LRRC4C: variants seen among roughly 807,000 people sequenced by gnomAD.
LRRC4C encodes the protein leucine rich repeat containing 4C.
A neutral mutation model predicts 33.6 loss-of-function variants in LRRC4C; 5 were observed. That is an observed-to-expected ratio of 0.15 (90% CI 0.08 to 0.31). The LOEUF (loss-of-function observed/expected upper bound fraction) is 0.31. LRRC4C is among the 10% of genes least tolerant of loss of function. LRRC4C has a pLI of 1.00. For missense variants in LRRC4C, 560 were observed against 796.7 expected, an observed-to-expected ratio of 0.70 and a Z score of 3.58; for synonymous variants, 329 against 302.0, an observed-to-expected ratio of 1.09 and a Z score of -0.93.
At position 40,200,784 on chromosome 11, in the gene LRRC4C, A is replaced by AAAAAAAAAAAAAAG. The variant is rs71060946; in HGVS notation, c.-96+40734_-96+40735insCTTTTTTTTTTTTT. Among the ~76,000 whole-genome samples the AAAAAAAAAAAAAAG allele has an allele frequency of 1.8e-4, 14 of 78,436 alleles. 1 individual carries two copies. Among genetic ancestry groups the AAAAAAAAAAAAAAG allele is most frequent in the East Asian group, 4.2e-4 (1 of 2,368 alleles). 51.5% of individuals were successfully genotyped at this position (78,436 alleles called of 152,430 possible). ...CCATCTCAAAAAAAAAAAAAAAAAA[A>AAAAAAAAAAAAAAG]AAAAGAAAAGAAAAGAAAAAAAATT... is the stretch of plus-strand genomic sequence containing the variant. On this transcript the variant is annotated intron_variant, in intron 5 of 6. Transcript: ENST00000528697.
rs571805000 is a variant in LRRC4C, at chr11:40,190,477, T to A, written c.-95-49624A>T. On this transcript the variant is annotated intron_variant, in intron 5 of 6. Coordinates refer to ENST00000528697, the MANE Select transcript of LRRC4C (RefSeq NM_001258419.2). The stretch of plus-strand genomic sequence containing the variant: ...TGTCCTCATGCCATCACCAATCAAA[T>A]CTACCATGCGGTTCCTCTGGCACAC... 6.0e-4 allele frequency among the ~76,000 whole-genome samples: 91 copies of A among 152,324 alleles called. 2 individuals are homozygous for A. Among genetic ancestry groups the A allele is most frequent in the Admixed American group, 5.7e-3 (88 of 15,306 alleles).
At chr11:40,625,823 A>G (rs1291041386) in intron 3 of LRRC4C, among the ~76,000 whole-genome samples, 1 of 152,096 alleles carries the variant, frequency 6.6e-6, no homozygotes, top group Admixed American at 6.5e-5. Flanking sequence ...CTTCCACTAT[A>G]ACAAACCTTT....
At chr11:40,919,842 AG>A (rs1243138876) in intron 2 of LRRC4C, among the ~76,000 whole-genome samples, 2 of 152,194 alleles carry the variant, frequency 1.3e-5, no homozygotes, top group Non-Finnish European at 2.9e-5. Flanking sequence ...CAAACAACTT[AG>A]GAATTAATTT....
chr11:40,901,593 C>T (rs1332230167), intron 2 of LRRC4C, among the ~76,000 whole-genome samples: 1 of 151,714 alleles, frequency 6.6e-6, no homozygotes, highest in East Asian at 1.9e-4. Context: ...TGGTTATTAC[C>T]CTTATTAAAT....
At chr11:40,589,093 T>G (rs1591198035) in intron 3 of LRRC4C, among the ~76,000 whole-genome samples, 1 of 152,274 alleles carries the variant, frequency 6.6e-6, no homozygotes, top group African/African-American at 2.4e-5. Flanking sequence ...AGTCTCCCAT[T>G]ATTAATGTGC....
intron 5 of LRRC4C, among the ~76,000 whole-genome samples, chr11:40,147,705 CAG>C (rs1857858261): frequency 6.6e-6 from 1 of 151,852 alleles, no homozygotes; most frequent in South Asian, 2.1e-4. Flanking sequence ...AATTAAAAAA[CAG>C]AATAATTGAG....
At chr11:40,226,262 A>T (rs1256004288) in intron 5 of LRRC4C, among the ~76,000 whole-genome samples, 1 of 152,184 alleles carries the variant, frequency 6.6e-6, no homozygotes, top group Non-Finnish European at 1.5e-5. Context: ...AACAATGATA[A>T]GCTAGATCAG....
chr11:40,796,623 C>T (rs1166266239), intron 2 of LRRC4C, among the ~76,000 whole-genome samples: 1 of 144,370 alleles, frequency 6.9e-6, no homozygotes, highest in Non-Finnish European at 1.5e-5. Context: ...CAAAAGAGGG[C>T]TAAGCAGAAC....
At chr11:40,901,539 G>A (rs970406138) in intron 2 of LRRC4C, among the ~76,000 whole-genome samples, 1 of 152,076 alleles carries the variant, frequency 6.6e-6, no homozygotes, top group Non-Finnish European at 1.5e-5. Context: ...GTTTAGAGTT[G>A]CAGTGTACCT....
In LRRC4C at chr11:40,448,885, T is replaced by C. The variant is rs1475950033; in HGVS notation, c.-269-129164A>G. The stretch of plus-strand genomic sequence containing the variant: ...CATCAGCAGTGTAAAAGCATTCCTA[T>C]TTCTCTACATCCCCTTTAGCATCTG... On this transcript the variant is annotated intron_variant, in intron 3 of 6. Coordinates refer to ENST00000528697, the MANE Select transcript of LRRC4C (RefSeq NM_001258419.2). 3.3e-5 allele frequency among the ~76,000 whole-genome samples: 5 copies of C among 152,354 alleles called. No homozygotes were observed. The East Asian group carries it at 9.6e-4, about 29-fold the overall frequency.
intron 2 of LRRC4C, among the ~76,000 whole-genome samples, chr11:40,827,112 T>G (rs1952199092): frequency 6.6e-6 from 1 of 151,884 alleles, no homozygotes; most frequent in Non-Finnish European, 1.5e-5. Flanking sequence ...ATAAACTTAC[T>G]CAAGAACCAC....
chr11:40,274,058 A>G (rs1350555684), intron 4 of LRRC4C, among the ~76,000 whole-genome samples: 1 of 152,086 alleles, frequency 6.6e-6, no homozygotes, highest in Non-Finnish European at 1.5e-5. Context: ...AGGTGCATCA[A>G]AAGTAGAACT....
chr11:40,739,007 TTGTGTG>T (rs72411974), intron 2 of LRRC4C, among the ~76,000 whole-genome samples: 4 of 149,188 alleles, frequency 2.7e-5, no homozygotes, highest in East Asian at 2.0e-4. Context: ...ATAATTGCTA[TTGTGTG>T]TGTGTGTGTG....
At chr11:40,758,356 C>T (rs1468088275) in intron 2 of LRRC4C, among the ~76,000 whole-genome samples, 2 of 151,944 alleles carry the variant, frequency 1.3e-5, no homozygotes, top group African/African-American at 4.8e-5. Context: ...TGAGGGTCCT[C>T]TCCTCCTGCT....
chr11:41,324,566 A>G (rs1479371891), intron 1 of LRRC4C, among the ~76,000 whole-genome samples: 2 of 152,224 alleles, frequency 1.3e-5, no homozygotes, highest in Admixed American at 6.5e-5. Context: ...ATGACATCCT[A>G]TCTGTAAAGC....
chr11:40,809,573 T>C (rs1227498228), intron 2 of LRRC4C, among the ~76,000 whole-genome samples: 1 of 152,160 alleles, frequency 6.6e-6, no homozygotes, highest in Non-Finnish European at 1.5e-5. Context: ...TACTCATTCA[T>C]TTACTGTCTG....
At chr11:40,183,392 T>G (rs1861167056) in intron 5 of LRRC4C, among the ~76,000 whole-genome samples, 1 of 152,200 alleles carries the variant, frequency 6.6e-6, no homozygotes, top group Non-Finnish European at 1.5e-5. Context: ...TGTTGTTGTT[T>G]TCTTTTTTCA....
chr11:40,775,828 G>T (rs146326564), intron 2 of LRRC4C, among the ~76,000 whole-genome samples: 1 of 152,282 alleles, frequency 6.6e-6, no homozygotes, highest in South Asian at 2.1e-4. Flanking sequence ...CAGGAATGGT[G>T]AGAATAAACA....
intron 2 of LRRC4C, among the ~76,000 whole-genome samples, chr11:40,879,459 T>A (rs1955063504): frequency 6.6e-6 from 1 of 152,146 alleles, no homozygotes; most frequent in Non-Finnish European, 1.5e-5. Flanking sequence ...AAGTTGTTCA[T>A]CCTACAAATG....
Sources: gnomAD v4.1 joint callset for allele counts (sites outside exome capture counted in the v4.1 genomes callset) on GRCh38, gnomAD v4.1.1 for gene constraint, MANE v1.5 for transcripts, NCBI Gene and HGNC (gene_info 2026-07-23, HGNC 2026-07-21) for gene names.